CLEC16A: variants seen among roughly 807,000 people sequenced by gnomAD.
CLEC16A encodes the protein protein CLEC16A.
A neutral mutation model predicts 109.5 loss-of-function variants in CLEC16A; 51 were observed. That is an observed-to-expected ratio of 0.47 (90% CI 0.37 to 0.59). The LOEUF is 0.59. Ranked by LOEUF, CLEC16A falls within the 20% of genes least tolerant of loss-of-function variation. The pLI is 0.00. For missense variants in CLEC16A, 1,339 were observed against 1,394.0 expected (o/e 0.96, Z 0.63); for synonymous variants, 673 against 564.2 (o/e 1.19, Z -2.73).
At chr16:11,012,798 G>T (rs1198007435) in intron 11 of CLEC16A, among the ~76,000 whole-genome samples, 1 of 152,074 alleles carries the variant, frequency 6.6e-6, no homozygotes, top group Non-Finnish European at 1.5e-5. Flanking sequence ...AATCTGGTAG[G>T]CTTGTTGAAT....
At chr16:11,168,364 G>C (rs1001578894) in intron 23 of CLEC16A, among the ~76,000 whole-genome samples, 14 of 152,234 alleles carry the variant, frequency 9.2e-5, no homozygotes, top group African/African-American at 3.1e-4. Context: ...TGGCCAGGCA[G>C]TTCCAGTCAA....
intron 7 of CLEC16A, 113 bp downstream of exon 7, chr16:10,973,174 G>T: frequency 8.2e-7 from 1 of 1,225,842 alleles, no homozygotes. Flanking sequence ...CTCTGTGTAG[G>T]CAGAGCATGG....
intron 19 of CLEC16A, among the ~76,000 whole-genome samples, chr16:11,105,701 G>C (rs1268945449): frequency 6.6e-6 from 1 of 152,216 alleles, no homozygotes; most frequent in African/African-American, 2.4e-5. Context: ...GAGGCACCCA[G>C]CCTCCCCAAG....
chr16:10,955,712 G>A (rs754987887), intron 1 of CLEC16A, among the ~76,000 whole-genome samples: 1 of 152,202 alleles, frequency 6.6e-6, no homozygotes, highest in Non-Finnish European at 1.5e-5. Context: ...GGAGTATGAT[G>A]TGTGATGCTA....
intron 10 of CLEC16A, among the ~76,000 whole-genome samples, chr16:11,002,263 A>G (rs577071150): frequency 1.8e-4 from 27 of 152,318 alleles, no homozygotes; most frequent in African/African-American, 6.5e-4. Flanking sequence ...ACAGCATCTG[A>G]CACATAAGAA....
intron 17 of CLEC16A, among the ~76,000 whole-genome samples, chr16:11,051,059 G>C (rs1450937076): frequency 6.6e-6 from 1 of 152,240 alleles, no homozygotes; most frequent in East Asian, 1.9e-4. Flanking sequence ...TTAGGTCACA[G>C]CTTGCAGCGG....
At chr16:11,108,560 C>G (rs1411618004) in intron 19 of CLEC16A, among the ~76,000 whole-genome samples, 1 of 152,250 alleles carries the variant, frequency 6.6e-6, no homozygotes, top group Non-Finnish European at 1.5e-5. Flanking sequence ...AGTGCTCTCT[C>G]TGGCCTCAGC....
intron 11 of CLEC16A, among the ~76,000 whole-genome samples, chr16:11,017,211 C>T (rs1325652630): frequency 1.3e-5 from 2 of 152,178 alleles, no homozygotes; most frequent in Admixed American, 6.5e-5. Context: ...CAAAACATCT[C>T]GTGTTGGGCT....
intron 22 of CLEC16A, among the ~76,000 whole-genome samples, chr16:11,127,158 T>A (rs1229020858): frequency 6.6e-6 from 1 of 152,236 alleles, no homozygotes; most frequent in African/African-American, 2.4e-5. Context: ...GAAATATTTC[T>A]TTGTATGTCA....
chr16:11,181,790 G>A lies in CLEC16A; in HGVS notation c.*3100G>A, dbSNP rs1402381321. On this transcript the variant is annotated 3_prime_UTR_variant, in exon 24 of 24. Transcript: ENST00000409790. The stretch of plus-strand genomic sequence containing the variant: ...CGTTCACAAGCAACCTAAGGGGCAG[G>A]TGAAGAAGCGCAGCCCTGCCAGACG... The A allele has an allele frequency of 1.3e-5, 2 of 152,638 alleles. No individual in the cohort carries two copies. Among genetic ancestry groups the A allele is most frequent in the South Asian group, 2.1e-4 (1 of 4,834 alleles). 9.5% of individuals were successfully genotyped at this position (152,638 alleles called of 1,614,324 possible). A position where few individuals can be genotyped will look rare whatever the true frequency, so the allele number is the denominator to read the frequency against.
chr16:11,041,599 G>C (rs1335925294), intron 14 of CLEC16A: 1 of 152,296 alleles, frequency 6.6e-6, no homozygotes, highest in Non-Finnish European at 1.5e-5. Flanking sequence ...GAGAGATCTC[G>C]AAGTGATATT....
intron 12 of CLEC16A, among the ~76,000 whole-genome samples, chr16:11,023,832 C>T (rs542754299): frequency 7.2e-4 from 110 of 152,274 alleles, no homozygotes; most frequent in African/African-American, 2.5e-3. Flanking sequence ...GTTCTCTTGG[C>T]CTCAGCCTGG....
At chr16:11,037,709 G>A (rs2047101079) in intron 13 of CLEC16A, among the ~76,000 whole-genome samples, 2 of 152,114 alleles carry the variant, frequency 1.3e-5, no homozygotes, top group African/African-American at 2.4e-5. Flanking sequence ...CCTCTCTGAA[G>A]CGGAGTGACT....
At chr16:10,981,236 G>C (rs928155142) in intron 9 of CLEC16A, among the ~76,000 whole-genome samples, 1 of 152,240 alleles carries the variant, frequency 6.6e-6, no homozygotes, top group Non-Finnish European at 1.5e-5. Flanking sequence ...TTCAAGGTAC[G>C]TAACGGATAT....
intron 11 of CLEC16A, among the ~76,000 whole-genome samples, chr16:11,016,072 T>A (rs1454385297): frequency 6.6e-6 from 1 of 152,228 alleles, no homozygotes; most frequent in Non-Finnish European, 1.5e-5. Context: ...TGTAAAAATT[T>A]ATGTATTATA....
chr16:10,971,293 C>T (rs949041452), intron 5 of CLEC16A, 63 bp downstream of exon 5: 8 of 1,125,274 alleles, frequency 7.1e-6, no homozygotes, highest in South Asian at 1.3e-5. Context: ...CACTCACTCC[C>T]GTGTGTGTGC....
chr16:10,963,473 A>G (rs551324242), intron 3 of CLEC16A, among the ~76,000 whole-genome samples: 5 of 152,204 alleles, frequency 3.3e-5, no homozygotes, highest in Non-Finnish European at 7.4e-5. Context: ...ATGACTTGCT[A>G]TTAAAGAGTT....
chr16:11,060,774 A>C, intron 18 of CLEC16A, 128 bp from the exon 19 acceptor site: 1 of 971,370 alleles, frequency 1.0e-6, no homozygotes, highest in Non-Finnish European at 1.4e-6. Flanking sequence ...AAACACCCGA[A>C]GAGGTGGGCT....
At chr16:11,009,284 T>C (rs991772188) in intron 11 of CLEC16A, among the ~76,000 whole-genome samples, 2 of 152,224 alleles carry the variant, frequency 1.3e-5, no homozygotes, top group Non-Finnish European at 2.9e-5. Context: ...TTCTTTTTTT[T>C]AGGCTGAATA....
Sources: allele counts gnomAD v4.1 joint callset (sites outside exome capture counted in the v4.1 genomes callset), GRCh38; gene constraint gnomAD v4.1.1; transcripts MANE v1.5; gene names NCBI Gene and HGNC (gene_info 2026-07-23, HGNC 2026-07-21).